The following YES1 variants were observed in gnomAD, a reference collection of about 807,000 sequenced individuals.
YES1 encodes the protein tyrosine-protein kinase Yes.
Under a neutral mutation model 70.4 loss-of-function variants are expected in YES1, and 39 were observed. The ratio of observed to expected loss-of-function variants is 0.55; its 90% CI spans 0.43 to 0.72. YES1 has a LOEUF of 0.72. Among genes scored for constraint, YES1 ranks in the 30% least tolerant of loss-of-function variants. The pLI, the probability that YES1 is intolerant of heterozygous loss-of-function variation, is 0.00. For missense variants in YES1, 495 were observed against 644.8 expected, an observed-to-expected ratio of 0.77 and a Z score of 2.52; for synonymous variants, 198 against 218.6, an observed-to-expected ratio of 0.91 and a Z score of 0.83.
intron 11 of YES1, among the ~76,000 whole-genome samples, chr18:732,309 G>A (rs945638839): frequency 1.3e-5 from 2 of 151,490 alleles, no homozygotes; most frequent in South Asian, 2.1e-4. Flanking sequence ...GTGTGGTGGT[G>A]GGTGCCTGTA....
At chr18:779,629 A>G (rs1475239714) in intron 1 of YES1, among the ~76,000 whole-genome samples, 1 of 152,162 alleles carries the variant, frequency 6.6e-6, no homozygotes, top group African/African-American at 2.4e-5. Flanking sequence ...GCACCTATCA[A>G]GTACTATTAT....
At position 789,299 on chromosome 18, in the gene YES1, T is replaced by C. The variant is rs550651382; in HGVS notation, c.-9+22815A>G. 3.3e-5 allele frequency among the ~76,000 whole-genome samples: 5 copies of C among 152,218 alleles called. No individual in the cohort carries two copies. In the South Asian group the frequency reaches 1.0e-3, roughly 32 times the overall value. ...AACCCACAATTATAAAAGAACAACT[T>C]TGCGAGGCATGGTGACTCACGCATG... On this transcript the variant is annotated intron_variant, in intron 1 of 11. Coordinates refer to ENST00000314574, the MANE Select transcript of YES1 (RefSeq NM_005433.4).
chr18:778,565 A>G (rs1024932124), intron 1 of YES1, among the ~76,000 whole-genome samples: 8 of 152,210 alleles, frequency 5.3e-5, no homozygotes, highest in African/African-American at 1.7e-4. Flanking sequence ...TACATGCTCT[A>G]TCTAGTTTGG....
At chr18:729,780 C>T (rs2080066468) in intron 11 of YES1, among the ~76,000 whole-genome samples, 1 of 152,028 alleles carries the variant, frequency 6.6e-6, no homozygotes, top group Non-Finnish European at 1.5e-5. Flanking sequence ...GCGCCCGCCA[C>T]CATGGCTGGC....
chr18:734,721 G>A (rs552463644), intron 10 of YES1, among the ~76,000 whole-genome samples: 2 of 152,018 alleles, frequency 1.3e-5, no homozygotes, highest in South Asian at 2.1e-4. Context: ...GTGTGGATGT[G>A]GTGAAAAGGG....
intron 6 of YES1, among the ~76,000 whole-genome samples, chr18:743,822 C>T (rs2080243627): frequency 6.6e-6 from 1 of 151,272 alleles, no homozygotes. Context: ...AGATGGATCG[C>T]ATGAACCCAG....
intron 1 of YES1, among the ~76,000 whole-genome samples, chr18:758,137 T>C (rs62088301): frequency 0.092 from 13,973 of 152,260 alleles, 813 homozygotes; most frequent in East Asian, 0.28. Context: ...AAATTAACTT[T>C]AGTATTTTAT....
At chr18:807,524 C>G (rs1252451756) in intron 1 of YES1, among the ~76,000 whole-genome samples, 1 of 152,110 alleles carries the variant, frequency 6.6e-6, no homozygotes, top group East Asian at 1.9e-4. Context: ...CACAAAAACA[C>G]AAAAGATGCG....
intron 11 of YES1, among the ~76,000 whole-genome samples, chr18:725,181 C>A (rs1027423985): frequency 9.9e-5 from 15 of 151,748 alleles, no homozygotes; most frequent in Admixed American, 5.9e-4. Flanking sequence ...GTAATCCCCC[C>A]TTCCTCAACC....
chr18:774,537 C>A (rs971218220), intron 1 of YES1, among the ~76,000 whole-genome samples: 1 of 152,144 alleles, frequency 6.6e-6, no homozygotes. Context: ...GTTTTTCAGG[C>A]CCAAACTCTG....
intron 1 of YES1, among the ~76,000 whole-genome samples, chr18:767,810 C>T (rs1219830250): frequency 6.6e-6 from 1 of 152,188 alleles, no homozygotes; most frequent in African/African-American, 2.4e-5. Context: ...AAGTGATTCT[C>T]CTGCCTCAGC....
chr18:773,397 T>C (rs1905238449), intron 1 of YES1, among the ~76,000 whole-genome samples: 1 of 152,184 alleles, frequency 6.6e-6, no homozygotes, highest in South Asian at 2.1e-4. Flanking sequence ...ATGGGGCAAG[T>C]TCTCAGGAGC....
chr18:763,994 A>C (rs1002122608), intron 1 of YES1, among the ~76,000 whole-genome samples: 8 of 151,632 alleles, frequency 5.3e-5, no homozygotes, highest in Admixed American at 1.3e-4. Flanking sequence ...GGTGGCGGGC[A>C]CTGTAGTCCC....
intron 11 of YES1, among the ~76,000 whole-genome samples, chr18:730,877 C>CA (rs1395138100): frequency 6.6e-6 from 1 of 152,040 alleles, no homozygotes; most frequent in African/African-American, 2.4e-5. Context: ...GCCCTGTCTG[C>CA]AAGTGTGGTG....
chr18:786,942 G>A (rs1486898302), intron 1 of YES1, among the ~76,000 whole-genome samples: 2 of 151,958 alleles, frequency 1.3e-5, no homozygotes, highest in African/African-American at 4.8e-5. Context: ...TAGGAGGAAT[G>A]GTTCAGTCTT....
chr18:795,589 G>A (rs1906496069), intron 1 of YES1, among the ~76,000 whole-genome samples: 1 of 152,058 alleles, frequency 6.6e-6, no homozygotes, highest in Admixed American at 6.6e-5. Flanking sequence ...AAAGAAATGA[G>A]TTCATGTCCT....
intron 1 of YES1, among the ~76,000 whole-genome samples, chr18:805,472 G>A (rs12962324): frequency 0.074 from 11,218 of 152,146 alleles, 546 homozygotes; most frequent in Middle Eastern, 0.11. Flanking sequence ...CTTCAACTGC[G>A]GCAGAGCACA....
rs529798373 is a variant in YES1 at position 757,411 on chromosome 18, G to A, written c.-8-576C>T. 5.9e-5 allele frequency among the ~76,000 whole-genome samples: 9 copies of A among 151,884 alleles called. No homozygotes were observed. In the East Asian group the frequency reaches 9.7e-4, roughly 16 times the overall value. On this transcript the variant is annotated intron_variant, in intron 1 of 11. Coordinates refer to ENST00000314574, the MANE Select transcript of YES1 (RefSeq NM_005433.4). ...CCAGCTACTCGGGAGGCTGAGGCAG[G>A]AGAATGGCGTGAACCCGGGAGGCGG...
chr18:793,492 A>G (rs1001164476), intron 1 of YES1, among the ~76,000 whole-genome samples: 2 of 152,072 alleles, frequency 1.3e-5, no homozygotes, highest in Admixed American at 1.3e-4. Context: ...ATCTGCCACT[A>G]CACCCAACTA....
Sources: allele counts gnomAD v4.1 joint callset (sites outside exome capture counted in the v4.1 genomes callset), GRCh38; gene constraint gnomAD v4.1.1; transcripts MANE v1.5; gene names NCBI Gene and HGNC (gene_info 2026-07-23, HGNC 2026-07-21).